The following CCNY variants were observed in gnomAD, a reference collection of about 807,000 sequenced individuals.
CCNY encodes cyclin Y.
CCNY carries 19 observed loss-of-function variants against 42.8 expected under a neutral mutation model. The observed-to-expected ratio is 0.44, with a 90% CI of 0.31 to 0.65. The LOEUF is 0.65. Ranked by LOEUF, CCNY falls within the 30% of genes least tolerant of loss-of-function variation. The pLI, the probability that CCNY is intolerant of heterozygous loss-of-function variation, is 0.07. For synonymous variants in CCNY, 165 were observed against 162.7 expected, an observed-to-expected ratio of 1.01 and a Z score of -0.11; for missense variants, 370 against 437.3, an observed-to-expected ratio of 0.85 and a Z score of 1.37.
chr10:35,366,651 C>T (rs1356033052), intron 1 of CCNY, among the ~76,000 whole-genome samples: 11 of 152,176 alleles, frequency 7.2e-5, no homozygotes, highest in Non-Finnish European at 1.5e-4. Flanking sequence ...TTCCAGTCTT[C>T]GCTAGTTCTA....
chr10:35,566,268 A>G (rs891407340), intron 9 of CCNY, 83 bp downstream of exon 9: 18 of 1,344,876 alleles, frequency 1.3e-5, no homozygotes, highest in Admixed American at 8.8e-5. Flanking sequence ...GGTCACATTG[A>G]TCATTTCCCC....
At chr10:35,408,156 C>T (rs4934547) in intron 1 of CCNY, among the ~76,000 whole-genome samples, 64,701 of 151,934 alleles carry the variant, frequency 0.43, 14,779 homozygotes, top group African/African-American at 0.59. Context: ...CTTACCTGAT[C>T]TAAAATTGGG....
intron 2 of CCNY, among the ~76,000 whole-genome samples, chr10:35,488,814 T>C (rs1425656166): frequency 1.3e-5 from 2 of 152,200 alleles, no homozygotes; most frequent in East Asian, 3.8e-4. Context: ...ATACCCACCT[T>C]CAGTCCTTTA....
chr10:35,255,468 C>T (rs529632698), intron 3 of CCNY, among the ~76,000 whole-genome samples: 2 of 145,946 alleles, frequency 1.4e-5, no homozygotes, highest in Non-Finnish European at 1.5e-5. Context: ...GGCTAATTTC[C>T]GCATTGTTTT....
At chr10:35,507,572 T>C (rs1840239919) in intron 3 of CCNY, among the ~76,000 whole-genome samples, 1 of 152,266 alleles carries the variant, frequency 6.6e-6, no homozygotes. Context: ...ATAAAGAATT[T>C]AACATTGATA....
intron 3 of CCNY, among the ~76,000 whole-genome samples, chr10:35,286,800 C>T (rs1835360220): frequency 6.6e-6 from 1 of 151,786 alleles, no homozygotes; most frequent in Non-Finnish European, 1.5e-5. Context: ...GCTGGAATTA[C>T]AGGTGAGCAC....
intron 3 of CCNY, among the ~76,000 whole-genome samples, chr10:35,254,830 CAAAAA>C (rs748535872): frequency 5.3e-5 from 2 of 38,076 alleles, no homozygotes; most frequent in Admixed American, 2.7e-4. Flanking sequence ...GACCCTGTCT[CAAAAA>C]AAAAAAAAAA....
chr10:35,393,042 C>CCACT (rs1284737992), intron 1 of CCNY, among the ~76,000 whole-genome samples: 3 of 152,252 alleles, frequency 2.0e-5, no homozygotes, highest in African/African-American at 7.2e-5. Flanking sequence ...TATTTTCCAT[C>CCACT]CACTGACCCT....
intron 3 of CCNY, among the ~76,000 whole-genome samples, chr10:35,326,077 AAAAT>A (rs1316453880): frequency 4.6e-5 from 7 of 152,174 alleles, no homozygotes; most frequent in Non-Finnish European, 8.8e-5. Context: ...CTTTGTCTCA[AAAAT>A]AAATAAATAA....
intron 3 of CCNY, among the ~76,000 whole-genome samples, chr10:35,326,258 G>T (rs904246388): frequency 1.1e-4 from 17 of 152,028 alleles, no homozygotes; most frequent in Non-Finnish European, 2.5e-4. Flanking sequence ...GAAGACTATG[G>T]TTTGCATTTT....
chr10:35,284,475 T>C lies in CCNY; in HGVS notation c.-9+33849T>C, dbSNP rs1273325461. Reference sequence around the variant, plus strand: ...AATGTCTGTGGGATATGGAGGGATATCCTTCCCTTATTCCTAATATGGGTA... The same window carrying C: ...AATGTCTGTGGGATATGGAGGGATACCCTTCCCTTATTCCTAATATGGGTA... On this transcript the variant is annotated intron_variant, in intron 3 of 11. Transcript: ENST00000374706. Among the ~76,000 whole-genome samples, 15 of 152,350 alleles carry C rather than the reference T, an allele frequency of 9.8e-5. No individual in the cohort carries two copies. The South Asian group carries it at 1.2e-3, about 13-fold the overall frequency.
chr10:35,298,954 CAT>C (rs1835502779), intron 3 of CCNY, among the ~76,000 whole-genome samples: 1 of 152,050 alleles, frequency 6.6e-6, no homozygotes, highest in Non-Finnish European at 1.5e-5. Context: ...TTTGTATGAG[CAT>C]ATGTTTTCAT....
At chr10:35,399,598 T>G (rs1212649117) in intron 1 of CCNY, among the ~76,000 whole-genome samples, 1 of 152,192 alleles carries the variant, frequency 6.6e-6, no homozygotes, top group East Asian at 1.9e-4. Context: ...ATCCCAACAC[T>G]TGGGAGGCCA....
At position 35,505,684 on chromosome 10, in the gene CCNY, T is replaced by C. The variant is rs569466615; in HGVS notation, c.264+4149T>C. Among the ~76,000 whole-genome samples, 10 of 152,360 alleles carry C rather than the reference T, an allele frequency of 6.6e-5. No homozygotes were observed. In the South Asian group the frequency reaches 2.1e-3, roughly 32 times the overall value. ...GACTCAAAGGTAGTGATTTGCAGCC[T>C]AATTATAACACCATATACGTATGTT... On this transcript the variant is annotated intron_variant, in intron 3 of 9. Coordinates refer to ENST00000374704, the MANE Select transcript of CCNY (RefSeq NM_145012.6).
At chr10:35,484,892 C>T (rs941494607) in intron 2 of CCNY, among the ~76,000 whole-genome samples, 2 of 152,190 alleles carry the variant, frequency 1.3e-5, no homozygotes, top group African/African-American at 2.4e-5. Flanking sequence ...GTGGATTTCC[C>T]ATACCTTGGT....
chr10:35,295,155 A>AAAAT (rs944314630), intron 3 of CCNY, among the ~76,000 whole-genome samples: 52 of 152,180 alleles, frequency 3.4e-4, no homozygotes, highest in African/African-American at 7.2e-4. Flanking sequence ...CCTGTCTCCA[A>AAAAT]AAATAAATAA....
intron 7 of CCNY, among the ~76,000 whole-genome samples, chr10:35,544,223 A>G (rs1340878746): frequency 6.6e-6 from 1 of 152,178 alleles, no homozygotes; most frequent in Non-Finnish European, 1.5e-5. Context: ...TATCCAGAAC[A>G]ACTTCCAGTC....
rs886490899 is a variant in CCNY at position 35,394,814 on chromosome 10, A to G, written c.154+57607A>G. On this transcript the variant is annotated intron_variant, in intron 1 of 9. Transcript: ENST00000374704. ...GTGACCACACCATATTCTCCTGTTTAGGTGACCCCAGTGGCTGAAAGCAGG... is the reference window on the plus strand; with the variant it reads ...GTGACCACACCATATTCTCCTGTTTGGGTGACCCCAGTGGCTGAAAGCAGG... 14 of 983,930 alleles carry G rather than the reference A, an allele frequency of 1.4e-5. No individual in the cohort carries two copies. The African/African-American group carries it at 2.3e-4, about 16-fold the overall frequency. The allele number at this position is 983,930 out of a possible 1,614,324, so 60.9% of individuals were successfully genotyped here.
In CCNY at chr10:35,570,573, G is replaced by C. The variant is rs913875702; in HGVS notation, c.*1403G>C. ...AGTCACTTGCATATGTAATGCTTTG[G>C]GTTTTTGCATATTTTCTTAGGTCAC... is the stretch of plus-strand genomic sequence containing the variant. On this transcript the variant is annotated 3_prime_UTR_variant, in exon 10 of 10. Transcript: ENST00000374704. The C allele has an allele frequency of 6.6e-6, 1 of 152,268 alleles. No individual in the cohort carries two copies. The highest frequency in any genetic ancestry group is 6.6e-5 in the Admixed American group (1 of 15,266). 9.4% of individuals were successfully genotyped at this position (152,268 alleles called of 1,614,324 possible). A position where few individuals can be genotyped will look rare whatever the true frequency, so the allele number is the denominator to read the frequency against.
Sources: allele counts gnomAD v4.1 joint callset (sites outside exome capture counted in the v4.1 genomes callset), GRCh38; gene constraint gnomAD v4.1.1; transcripts MANE v1.5; gene names NCBI Gene and HGNC (gene_info 2026-07-23, HGNC 2026-07-21).